PLAT: variants seen among roughly 807,000 people sequenced by gnomAD.
The protein encoded by PLAT is tissue-type plasminogen activator.
Under a neutral mutation model 74.9 loss-of-function variants are expected in PLAT, and 48 were observed. That is an observed-to-expected ratio of 0.64 (90% confidence interval 0.51 to 0.82). The LOEUF (loss-of-function observed/expected upper bound fraction) is 0.82. Among genes scored for constraint, PLAT ranks in the 40% least tolerant of loss-of-function variants. PLAT has a pLI of 0.00. For missense variants in PLAT, 673 were observed against 736.2 expected, an observed-to-expected ratio of 0.91 and a Z score of 0.99; for synonymous variants, 307 against 294.4, an observed-to-expected ratio of 1.04 and a Z score of -0.44.
intron 1 of PLAT, chr8:42,195,754 T>TA (rs1222916819): frequency 6.6e-6 from 1 of 152,332 alleles, no homozygotes; most frequent in East Asian, 1.9e-4. Context: ...CTTAATCTTG[T>TA]AAAAATAGCT....
In PLAT at chr8:42,180,261, GTCA is replaced by G. The variant is rs759543775; in HGVS notation, c.1200_1202del (p.Asp401del). Reference sequence around the variant, plus strand: ...TCTTACCAATGTCATTGTCGTAAGTGTCATCATCGAATTCCTTATGGACAATGT... The same window carrying G: ...TCTTACCAATGTCATTGTCGTAAGTGTCATCGAATTCCTTATGGACAATGT... On this transcript the variant is annotated inframe_deletion, in exon 11 of 14. Transcript: ENST00000220809. The G allele has an allele frequency of 1.9e-6, 3 of 1,614,240 alleles. No homozygotes were observed. The highest frequency in any genetic ancestry group is 2.5e-6 in the Non-Finnish European group (3 of 1,180,028).
chr8:42,204,898 C>T (rs1014686584), intron 1 of PLAT, among the ~76,000 whole-genome samples: 1 of 151,818 alleles, frequency 6.6e-6, no homozygotes, highest in African/African-American at 2.4e-5. Context: ...TCAAGTGACA[C>T]TACCAAGGTA....
intron 3 of PLAT, 69 bp downstream of exon 3, chr8:42,191,303 G>T (rs908422534): frequency 7.8e-7 from 1 of 1,285,166 alleles, no homozygotes; most frequent in East Asian, 2.3e-5. Context: ...TGGTGGGTGG[G>T]TGATGCACCC....
At chr8:42,189,991 A>T (rs747867032) in intron 3 of PLAT, among the ~76,000 whole-genome samples, 1 of 151,290 alleles carries the variant, frequency 6.6e-6, no homozygotes, top group Admixed American at 6.6e-5. Context: ...GCTCACTGCA[A>T]CCTCTGCCTC....
rs1368907763 is a variant in PLAT, at chr8:42,188,921, C to A, written c.253+13G>T. On this transcript the variant is annotated intron_variant, in intron 4 of 13. Coordinates refer to ENST00000220809, the MANE Select transcript of PLAT (RefSeq NM_000930.5). ...ATCACAGGCATGCACCACCTCCCAGCCTCAGTACATACTTTTGACAGGCAC... is the reference window on the plus strand; with the variant it reads ...ATCACAGGCATGCACCACCTCCCAGACTCAGTACATACTTTTGACAGGCAC... 5.6e-6 allele frequency: 9 copies of A among 1,608,968 alleles called. No homozygotes were observed. The highest frequency in any genetic ancestry group is 7.7e-6 in the Non-Finnish European group (9 of 1,176,458).
In PLAT at chr8:42,189,058, A is replaced by T. The variant is rs1197841254; in HGVS notation, c.129T>A (p.Asp43Glu). The T allele has an allele frequency of 1.2e-6, 2 of 1,612,976 alleles. No individual in the cohort carries two copies. Among genetic ancestry groups the T allele is most frequent in the Non-Finnish European group, 1.7e-6 (2 of 1,179,200 alleles). The change falls in exon 4 of 14, where the codon GAT (aspartate) becomes GAA (glutamate). Residue 43 changes from aspartate (D) to glutamate (E), a missense_variant. Transcript: ENST00000220809. The stretch of plus-strand genomic sequence containing the variant: ...GCTGGTATATCATCTGCGTTTTTTC[A>T]TCTCTGCAGATCACTATGAGAAAAG... ...GARSYQVICRDEKTQMIYQQH... is the reference protein window; with the variant it reads ...GARSYQVICREEKTQMIYQQH...
chr8:42,206,559 C>T (rs901830589), intron 1 of PLAT: 3 of 152,234 alleles, frequency 2.0e-5, no homozygotes, highest in African/African-American at 7.2e-5. Context: ...CATCAAGCAG[C>T]TACAGGAGAC....
chr8:42,197,680 G>T (rs1227812359), intron 1 of PLAT, among the ~76,000 whole-genome samples: 1 of 152,320 alleles, frequency 6.6e-6, no homozygotes, highest in South Asian at 2.1e-4. Flanking sequence ...GGGAAAGTCA[G>T]TGGGGTGCTG....
At chr8:42,197,025 C>G (rs1327957466) in intron 1 of PLAT, among the ~76,000 whole-genome samples, 1 of 152,188 alleles carries the variant, frequency 6.6e-6, no homozygotes, top group Non-Finnish European at 1.5e-5. Context: ...ACCCCAAGGC[C>G]TAGCCCTGTC....
intron 10 of PLAT, 26 bp from the exon 11 acceptor site, chr8:42,180,404 C>CT (rs765296951): frequency 2.0e-5 from 33 of 1,613,834 alleles, no homozygotes; most frequent in Non-Finnish European, 2.5e-5. Context: ...CCTTAGAATG[C>CT]TTTTTTTGCT....
Position 42,178,933 on chromosome 8 carries a change from G to A in PLAT, c.1494C>T (p.Ser498=), listed in dbSNP as rs755859607. Reference sequence around the variant, plus strand: ...CGTGCAAGTTTGCCTGGGGCCCGCCGCTCCGAGTGTCTCCAGCACACAGCA... The same window carrying A: ...CGTGCAAGTTTGCCTGGGGCCCGCCACTCCGAGTGTCTCCAGCACACAGCA... ...DNMLCAGDTR[S]GGPQANLHDA... Residue 498 remains serine (S), a synonymous_variant, in exon 13 of 14, where the codon AGC becomes AGT. Coordinates refer to ENST00000220809, the MANE Select transcript of PLAT (RefSeq NM_000930.5). The A allele has an allele frequency of 1.4e-5, 23 of 1,613,738 alleles. No individual in the cohort carries two copies. The highest frequency in any genetic ancestry group is 4.4e-5 in the South Asian group (4 of 91,060).
In PLAT at chr8:42,183,915, C is replaced by CAT. The variant is rs761741978; in HGVS notation, c.632-1027_632-1026dup. ...ATATAAATTTAATATATGTGTATTA[C>CAT]ATATATATATACACACACCCACACA... On this transcript the variant is annotated intron_variant, in intron 7 of 13. Transcript: ENST00000220809. Among the ~76,000 whole-genome samples, 26 of 151,698 alleles carry CAT rather than the reference C, an allele frequency of 1.7e-4. No individual in the cohort carries two copies. The East Asian group carries it at 2.9e-3, about 17-fold the overall frequency.
rs115361478 is a variant in PLAT at position 42,187,415 on chromosome 8, C to T, written c.522G>A (p.Gly174=). The part of the protein sequence containing the change: ...RRPDAIRLGL[G]NHNYCRNPDR... ...GCCCTCACCTGCAGTAGTTGTGGTT[C>T]CCCAGGCCCAGCCTGATGGCGTCTG... The change falls in exon 6 of 14, where the codon GGG becomes GGA. Residue 174 remains glycine, a synonymous_variant. Transcript: ENST00000220809. The T allele has an allele frequency of 6.3e-7, 1 of 1,587,978 alleles. No individual in the cohort carries two copies. The highest frequency in any genetic ancestry group is 8.5e-7 in the Non-Finnish European group (1 of 1,170,464).
At chr8:42,196,854 GAGA>G (rs1156228814) in intron 1 of PLAT, among the ~76,000 whole-genome samples, 1 of 151,476 alleles carries the variant, frequency 6.6e-6, no homozygotes, top group Non-Finnish European at 1.5e-5. Context: ...AAAGGCAAAT[GAGA>G]AGAAGGAAGG....
rs536186900 is a variant in PLAT, at chr8:42,187,499, G to A, written c.438C>T (p.Ala146=). Residue 146 remains alanine (A), a synonymous_variant, in exon 6 of 14, where the codon GCC becomes GCT. Coordinates refer to ENST00000220809, the MANE Select transcript of PLAT (RefSeq NM_000930.5). ...RGTWSTAESG[A]ECTNWNSSAL... ...CGCTGCTGTTCCAGTTGGTGCACTC[G>A]GCGCCACTCTCCGCTGTGCTCCACG... is the stretch of plus-strand genomic sequence containing the variant. The A allele has an allele frequency of 1.7e-5, 27 of 1,611,334 alleles. No individual in the cohort carries two copies. The highest frequency in any genetic ancestry group is 1.7e-4 in the Middle Eastern group (1 of 5,954).
chr8:42,185,162 G>A lies in PLAT; in HGVS notation c.550C>T (p.Arg184Ter), dbSNP rs374169548. 1.4e-5 allele frequency: 23 copies of A among 1,610,502 alleles called. No homozygotes were observed. The highest frequency in any genetic ancestry group is 1.9e-5 in the Non-Finnish European group (22 of 1,178,158). ...ACGTAGCACCAGGGCTTTGAGTCTC[G>A]ATCTGGGTTTCTGAAAAATCAGCCA... Reference protein sequence around the residue: ...GNHNYCRNPDRDSKPWCYVFK... With the variant: ...GNHNYCRNPD Residue 184 changes from arginine (R) to a stop codon, truncating the protein, a stop_gained, in exon 7 of 14, where the codon CGA (arginine) becomes TGA (stop). Coordinates refer to ENST00000220809, the MANE Select transcript of PLAT (RefSeq NM_000930.5). LOFTEE classifies it high-confidence loss of function.
Position 42,181,921 on chromosome 8 carries a change from G to A in PLAT, c.889+16C>T, listed in dbSNP as rs375943878. ...GGAGACCAGGTGCAGGGAGGCAGCC[G>A]GGGCCCAGCCCTTACAGCAGGAGGG... is the stretch of plus-strand genomic sequence containing the variant. On this transcript the variant is annotated intron_variant, in intron 9 of 13. Transcript: ENST00000220809. 1.3e-5 allele frequency: 20 copies of A among 1,549,538 alleles called. No individual in the cohort carries two copies. The highest frequency in any genetic ancestry group is 1.0e-4 in the Admixed American group (6 of 59,836).
chr8:42,203,992 T>TATACACACACAC (rs1554499838), intron 1 of PLAT, among the ~76,000 whole-genome samples: 2 of 109,862 alleles, frequency 1.8e-5, no homozygotes, highest in African/African-American at 5.2e-5. Context: ...TATATATATA[T>TATACACACACAC]ACACACACAC....
intron 2 of PLAT, 26 bp downstream of exon 2, chr8:42,193,088 G>A (rs1259022761): frequency 7.8e-6 from 12 of 1,532,794 alleles, no homozygotes; most frequent in Middle Eastern, 1.7e-4. Flanking sequence ...CTTGAGGGGC[G>A]GGACACAGGG....
Sources: gnomAD v4.1 joint callset for allele counts (sites outside exome capture counted in the v4.1 genomes callset) on GRCh38, gnomAD v4.1.1 for gene constraint, MANE v1.5 for transcripts, NCBI Gene and HGNC (gene_info 2026-07-23, HGNC 2026-07-21) for gene names.